Variants in NRG1 observed in about 807,000 individuals in gnomAD.
The protein encoded by NRG1 is neuregulin 1, also known as pro-neuregulin-1, membrane-bound isoform.
Under a neutral mutation model 63.8 loss-of-function variants are expected in NRG1, and 18 were observed. The observed-to-expected ratio is 0.28, with a 90% CI of 0.19 to 0.42. The LOEUF (loss-of-function observed/expected upper bound fraction) is 0.42. Ranked by LOEUF, NRG1 falls within the 10% of genes least tolerant of loss-of-function variation. The probability of loss-of-function intolerance (pLI) is 1.00; values close to 1 mark genes in which losing one functional copy is unlikely to be tolerated. For synonymous variants in NRG1, 302 were observed against 301.3 expected (o/e 1.00, Z -0.02); for missense variants, 762 against 814.7 (o/e 0.94, Z 0.79).
At chr8:31,700,460 A>G (rs1245535871) in intron 1 of NRG1, among the ~76,000 whole-genome samples, 10 of 152,150 alleles carry the variant, frequency 6.6e-5, no homozygotes, top group Admixed American at 2.0e-4. Flanking sequence ...ATCTCATCCA[A>G]GATTGTTGTT....
At chr8:31,901,388 T>C (rs1832067487) in intron 1 of NRG1, among the ~76,000 whole-genome samples, 1 of 152,166 alleles carries the variant, frequency 6.6e-6, no homozygotes, top group Non-Finnish European at 1.5e-5. Flanking sequence ...CAAACTATGT[T>C]GGAAAGTTAT....
intron 1 of NRG1, among the ~76,000 whole-genome samples, chr8:31,711,665 C>A (rs1811761377): frequency 6.6e-6 from 1 of 152,122 alleles, no homozygotes; most frequent in Admixed American, 6.5e-5. Flanking sequence ...ACTCTGTCTT[C>A]TTCTGTTAAG....
At chr8:31,756,509 T>G (rs555686249) in intron 1 of NRG1, among the ~76,000 whole-genome samples, 1 of 152,098 alleles carries the variant, frequency 6.6e-6, no homozygotes, top group South Asian at 2.1e-4. Flanking sequence ...CTGCCCATCA[T>G]GGAAAGCGGA....
intron 1 of NRG1, among the ~76,000 whole-genome samples, chr8:32,287,996 A>G (rs1162483315): frequency 6.6e-6 from 1 of 152,234 alleles, no homozygotes; most frequent in African/African-American, 2.4e-5. Flanking sequence ...TTTGGTACAC[A>G]TATTCGTGGT....
intron 1 of NRG1, among the ~76,000 whole-genome samples, chr8:32,236,368 T>C (rs1847560971): frequency 1.3e-5 from 2 of 152,168 alleles, no homozygotes; most frequent in South Asian, 4.1e-4. Context: ...AACTTCCTTC[T>C]TTCTATCTAT....
chr8:32,091,193 G>A (rs1175057080), intron 1 of NRG1, among the ~76,000 whole-genome samples: 1 of 151,780 alleles, frequency 6.6e-6, no homozygotes, highest in South Asian at 2.1e-4. Context: ...CAGGAGAATG[G>A]CGTGAACCCG....
intron 5 of NRG1, among the ~76,000 whole-genome samples, chr8:32,671,784 A>G (rs955386555): frequency 1.3e-5 from 2 of 152,204 alleles, no homozygotes; most frequent in Admixed American, 1.3e-4. Flanking sequence ...ATGTGCTTTC[A>G]TTTAAACAAC....
intron 1 of NRG1, among the ~76,000 whole-genome samples, chr8:32,447,998 C>A (rs561055923): frequency 6.6e-6 from 1 of 152,204 alleles, no homozygotes; most frequent in African/African-American, 2.4e-5. Context: ...TAATCATTAA[C>A]TTTAGTAGAA....
chr8:32,571,285 A>G (rs749576027), intron 1 of NRG1, among the ~76,000 whole-genome samples: 7 of 152,188 alleles, frequency 4.6e-5, no homozygotes, highest in Non-Finnish European at 1.0e-4. Flanking sequence ...ATGTTTTAGG[A>G]TCTTAGTTCC....
intron 1 of NRG1, among the ~76,000 whole-genome samples, chr8:32,448,051 T>G (rs752730596): frequency 6.6e-6 from 1 of 152,220 alleles, no homozygotes; most frequent in Non-Finnish European, 1.5e-5. Flanking sequence ...TATATTACTC[T>G]GGCTTTCCTA....
chr8:31,799,111 G>A (rs1332112813), intron 1 of NRG1, among the ~76,000 whole-genome samples: 1 of 152,054 alleles, frequency 6.6e-6, no homozygotes, highest in African/African-American at 2.4e-5. Context: ...GGGTTTATTT[G>A]TATATGTGTG....
intron 1 of NRG1, among the ~76,000 whole-genome samples, chr8:31,675,359 G>A (rs1807579564): frequency 2.0e-5 from 3 of 152,094 alleles, no homozygotes; most frequent in Admixed American, 1.3e-4. Flanking sequence ...AAAAGTTGCT[G>A]CTGTAGAGTT....
intron 5 of NRG1, among the ~76,000 whole-genome samples, chr8:32,717,178 C>T (rs994452901): frequency 6.6e-6 from 1 of 152,084 alleles, no homozygotes; most frequent in Admixed American, 6.6e-5. Context: ...CTAAAATGTA[C>T]ATTTTCTTTA....
intron 1 of NRG1, among the ~76,000 whole-genome samples, chr8:31,912,340 G>A (rs1833013099): frequency 6.6e-6 from 1 of 152,054 alleles, no homozygotes; most frequent in Non-Finnish European, 1.5e-5. Context: ...TTGGTGGGTA[G>A]CCAGAAAAGA....
chr8:31,694,062 C>T (rs1409814304), intron 1 of NRG1, among the ~76,000 whole-genome samples: 2 of 152,106 alleles, frequency 1.3e-5, no homozygotes, highest in African/African-American at 2.4e-5. Context: ...AGGCTGGTCT[C>T]GAACTCCTGA....
At chr8:32,343,056 CAGTCTGTTCTAAAGAGAA>C (rs879716188) in intron 1 of NRG1, among the ~76,000 whole-genome samples, 2 of 152,148 alleles carry the variant, frequency 1.3e-5, no homozygotes, top group African/African-American at 2.4e-5. Flanking sequence ...AATGCCAAAA[CAGTCTGTTCTAAAGAGAA>C]AAAGTTCAAT....
chr8:32,307,779 G>A (rs1856380274), intron 1 of NRG1, among the ~76,000 whole-genome samples: 1 of 152,140 alleles, frequency 6.6e-6, no homozygotes, highest in South Asian at 2.1e-4. Flanking sequence ...GGTGAGCATG[G>A]CTGCAGGGTA....
At position 32,742,564 on chromosome 8, in the gene NRG1, A is replaced by C; in HGVS notation, c.633-111A>C. The stretch of plus-strand genomic sequence containing the variant: ...GGCAAAGATTCAGTTCCTGAGGGTG[A>C]ACTCACCAAGTTTCAGTCAAATGAC... On this transcript the variant is annotated intron_variant, in intron 6 of 11. Transcript: ENST00000356819. The surrounding 1 kb of genome is among the most constrained non-coding windows in gnomAD (Gnocchi z 4.2). 1.0e-6 allele frequency: 1 copy of C among 954,314 alleles called. No homozygotes were observed. Among genetic ancestry groups the C allele is most frequent in the Non-Finnish European group, 1.6e-6 (1 of 616,964 alleles). 59.1% of individuals were successfully genotyped at this position (954,314 alleles called of 1,614,324 possible).
chr8:32,518,513 C>T (rs189013925), intron 1 of NRG1, among the ~76,000 whole-genome samples: 4 of 152,134 alleles, frequency 2.6e-5, no homozygotes, highest in Admixed American at 1.3e-4. Context: ...GCCCTAACTC[C>T]CACTGGAATG....
Sources: allele counts gnomAD v4.1 joint callset (sites outside exome capture counted in the v4.1 genomes callset), GRCh38; gene constraint gnomAD v4.1.1; non-coding constraint Gnocchi (gnomAD v3.1); transcripts MANE v1.5; gene names NCBI Gene and HGNC (gene_info 2026-07-23, HGNC 2026-07-21).